ASXL1: variants seen among roughly 807,000 people sequenced by gnomAD.
ASXL1 encodes ASXL transcriptional regulator 1, also known as polycomb group protein ASXL1.
Under a neutral mutation model 89.1 loss-of-function variants are expected in ASXL1, and 65 were observed. The ratio of observed to expected loss-of-function variants is 0.73; its 90% CI spans 0.60 to 0.90. ASXL1 has a LOEUF of 0.90. Among genes scored for constraint, ASXL1 ranks in the 40% least tolerant of loss-of-function variants. ASXL1 has a pLI of 0.00. For synonymous variants in ASXL1, 739 were observed against 746.9 expected, an observed-to-expected ratio of 0.99 and a Z score of 0.17; for missense variants, 1,786 against 1,942.9, an observed-to-expected ratio of 0.92 and a Z score of 1.52.
intron 4 of ASXL1, among the ~76,000 whole-genome samples, chr20:32,393,233 A>G (rs943523790): frequency 5.3e-5 from 8 of 152,294 alleles, no homozygotes; most frequent in Non-Finnish European, 1.2e-4. Flanking sequence ...ATCTTGATGA[A>G]TTGGTCTCTG....
chr20:32,407,789 C>T (rs534409487), intron 4 of ASXL1, among the ~76,000 whole-genome samples: 2 of 151,914 alleles, frequency 1.3e-5, no homozygotes, highest in African/African-American at 4.8e-5. Context: ...ATTAAAGTGT[C>T]TTTTGATTAG....
At chr20:32,370,965 T>TTA (rs1555901335) in intron 4 of ASXL1, among the ~76,000 whole-genome samples, 1 of 87,378 alleles carries the variant, frequency 1.1e-5, no homozygotes, top group Non-Finnish European at 2.1e-5. Flanking sequence ...TTGTCTCTAT[T>TTA]AAAAAAAAAA....
chr20:32,433,064 T>TA, intron 11 of ASXL1, 79 bp downstream of exon 11: 7 of 1,584,568 alleles, frequency 4.4e-6, no homozygotes, highest in Non-Finnish European at 6.0e-6. Context: ...AGCATATACT[T>TA]ATGTGTTGGA....
rs1600525633 is a variant in ASXL1, at chr20:32,399,745, C to CTATTTTTTTTTTTTTTTTT, written c.253-28382_253-28381insATTTTTTTTTTTTTTTTTT. Reference sequence around the variant, plus strand: ...ATTTTTAAAAATCTCACATATTTTACTCTTTTTTTTTTTTTTTTTTTTTTT... The same window carrying CTATTTTTTTTTTTTTTTTT: ...ATTTTTAAAAATCTCACATATTTTACTATTTTTTTTTTTTTTTTTTCTTTTTTTTTTTTTTTTTTTTTTT... On this transcript the variant is annotated intron_variant, in intron 4 of 12. Coordinates refer to ENST00000375687, the MANE Select transcript of ASXL1 (RefSeq NM_015338.6). 1.1e-4 allele frequency among the ~76,000 whole-genome samples: 7 copies of CTATTTTTTTTTTTTTTTTT among 66,598 alleles called. 2 individuals are homozygous for CTATTTTTTTTTTTTTTTTT. The highest frequency in any genetic ancestry group is 1.1e-3 in the South Asian group (2 of 1,806). The allele number at this position is 66,598 out of a possible 152,430, so 43.7% of individuals were successfully genotyped here.
intron 4 of ASXL1, chr20:32,371,660 C>A (rs750909201): frequency 3.8e-4 from 117 of 310,428 alleles, no homozygotes; most frequent in Non-Finnish European, 5.1e-4. Context: ...AGCTGGAGTG[C>A]AGTAGTATAA....
intron 4 of ASXL1, among the ~76,000 whole-genome samples, chr20:32,388,284 C>T (rs904084679): frequency 5.9e-5 from 9 of 152,296 alleles, no homozygotes; most frequent in Admixed American, 5.2e-4. Flanking sequence ...AAGCAATTCT[C>T]CTGCCTCAGC....
Position 32,428,641 on chromosome 20 carries a change from T to C in ASXL1, c.471+219T>C, listed in dbSNP as rs1600574109. 4 of 512,872 alleles carry C rather than the reference T, an allele frequency of 7.8e-6. No individual in the cohort carries two copies. In the East Asian group the frequency reaches 1.4e-4, roughly 17 times the overall value. The allele number at this position is 512,872 out of a possible 1,614,324, so 31.8% of individuals were successfully genotyped here. Reference sequence around the variant, plus strand: ...CTCTTTCTTTACCTTGGCTGAGTGATTTTGTTCATTCTTTTTTTTTTTTTT... The same window carrying C: ...CTCTTTCTTTACCTTGGCTGAGTGACTTTGTTCATTCTTTTTTTTTTTTTT... On this transcript the variant is annotated intron_variant, in intron 6 of 12. Coordinates refer to ENST00000375687, the MANE Select transcript of ASXL1 (RefSeq NM_015338.6).
At chr20:32,394,252 T>G (rs900622131) in intron 4 of ASXL1, among the ~76,000 whole-genome samples, 19 of 152,312 alleles carry the variant, frequency 1.2e-4, no homozygotes, top group African/African-American at 4.6e-4. Context: ...TCTGCCCGCC[T>G]TGGCCTCCCA....
intron 4 of ASXL1, among the ~76,000 whole-genome samples, chr20:32,379,889 G>A (rs2048457579): frequency 6.6e-6 from 1 of 150,850 alleles, no homozygotes; most frequent in African/African-American, 2.4e-5. Flanking sequence ...TACTTCATGT[G>A]ATGATATATG....
chr20:32,421,874 T>TTC (rs1465082366), intron 4 of ASXL1, among the ~76,000 whole-genome samples: 1 of 141,306 alleles, frequency 7.1e-6, no homozygotes, highest in African/African-American at 2.7e-5. Context: ...TTCTTTTTTT[T>TTC]TTTTTTTTTT....
chr20:32,392,950 T>C (rs774949985), intron 4 of ASXL1, among the ~76,000 whole-genome samples: 14 of 152,314 alleles, frequency 9.2e-5, no homozygotes, highest in Non-Finnish European at 1.8e-4. Flanking sequence ...TCTACTGTTG[T>C]TAGGTAGAGC....
In ASXL1 at chr20:32,437,345, A is replaced by T; in HGVS notation, c.*7A>T. On this transcript the variant is annotated 3_prime_UTR_variant, in exon 13 of 13. Transcript: ENST00000375687. ...GTGCCTTGTGGTGAGATAATAAATT[A>T]TGGCCATGGGAAACATTGTATATTT... The T allele has an allele frequency of 6.2e-7, 1 of 1,613,308 alleles. No individual in the cohort carries two copies. The highest frequency in any genetic ancestry group is 8.5e-7 in the Non-Finnish European group (1 of 1,179,394).
At position 32,430,343 on chromosome 20, in the gene ASXL1, A is replaced by G. The variant is rs189407266; in HGVS notation, c.718+290A>G. 824 of 361,354 alleles carry G rather than the reference A, an allele frequency of 2.3e-3. 3 individuals carry two copies. The highest frequency in any genetic ancestry group is 3.6e-3 in the Non-Finnish European group (721 of 201,194). 22.4% of individuals were successfully genotyped at this position (361,354 alleles called of 1,614,324 possible). On this transcript the variant is annotated intron_variant, in intron 8 of 12. Coordinates refer to ENST00000375687, the MANE Select transcript of ASXL1 (RefSeq NM_015338.6). ...CATAGTAAGTGTTTGAGTGAGTGAA[A>G]ACTGCTTCTGAGCTTCTCAGTGAAG...
rs2145369939 is a variant in ASXL1 at position 32,435,309 on chromosome 20, T to C, written c.2597T>C (p.Leu866Ser). Reference protein sequence around the residue: ...CLQNRAFDDELGLGGSCPPMR... With the variant: ...CLQNRAFDDESGLGGSCPPMR... ...CAGAACAGAGCATTTGATGACGAAT[T>C]AGGGCTTGGTGGCTCATGCCCTCCT... Residue 866 changes from leucine to serine, a missense_variant, in exon 13 of 13, where the codon TTA becomes TCA. By Grantham distance (145) the Leu-to-Ser change is moderately radical. This residue lies in a region of ASXL1 where 1,418 missense variants were observed against 1,427.8 expected (regional missense o/e 0.99). Coordinates refer to ENST00000375687, the MANE Select transcript of ASXL1 (RefSeq NM_015338.6). 2.5e-6 allele frequency: 4 copies of C among 1,614,180 alleles called. No individual in the cohort carries two copies. Among genetic ancestry groups the C allele is most frequent in the South Asian group, 1.1e-5 (1 of 91,088 alleles).
At chr20:32,402,103 C>T (rs970348963) in intron 4 of ASXL1, among the ~76,000 whole-genome samples, 3 of 152,154 alleles carry the variant, frequency 2.0e-5, no homozygotes, top group South Asian at 2.1e-4. Flanking sequence ...TTTTTTAACT[C>T]GGCAAAATGC....
chr20:32,389,241 CT>C, intron 4 of ASXL1, among the ~76,000 whole-genome samples: 1 of 152,232 alleles, frequency 6.6e-6, no homozygotes, highest in African/African-American at 2.4e-5. Flanking sequence ...CTCTGATTTG[CT>C]GCTTTTGCCT....
intron 4 of ASXL1, among the ~76,000 whole-genome samples, chr20:32,390,613 C>A (rs1344785265): frequency 1.3e-5 from 2 of 152,130 alleles, no homozygotes; most frequent in African/African-American, 4.8e-5. Context: ...GCTAGGATTA[C>A]AGGAATGAGC....
At chr20:32,362,961 T>C (rs1158997708) in intron 1 of ASXL1, among the ~76,000 whole-genome samples, 1 of 152,166 alleles carries the variant, frequency 6.6e-6, no homozygotes, top group Non-Finnish European at 1.5e-5. Flanking sequence ...TGTTGTATGC[T>C]TTATCTTTTA....
rs200800297 is a variant in ASXL1 at position 32,367,757 on chromosome 20, A to T, written c.143+28A>T. The T allele has an allele frequency of 1.5e-5, 12 of 780,648 alleles. No individual in the cohort carries two copies. The Admixed American group carries it at 1.9e-4, about 12-fold the overall frequency. 48.4% of individuals were successfully genotyped at this position (780,648 alleles called of 1,614,324 possible). The stretch of plus-strand genomic sequence containing the variant: ...AAATGAGTCCCTTTGGGACATATGG[A>T]ATTGAGAACCTTAACTTGTTTCTGC... On this transcript the variant is annotated intron_variant, in intron 3 of 12. Coordinates refer to ENST00000375687, the MANE Select transcript of ASXL1 (RefSeq NM_015338.6).
Sources: gnomAD v4.1 joint callset for allele counts (sites outside exome capture counted in the v4.1 genomes callset) on GRCh38, gnomAD v4.1.1 for gene constraint, gnomAD v4.1.1 regional missense constraint, MANE v1.5 for transcripts, NCBI Gene and HGNC (gene_info 2026-07-23, HGNC 2026-07-21) for gene names.